PDXDC1: variants seen among roughly 807,000 people sequenced by gnomAD.
PDXDC1 encodes pyridoxal-dependent decarboxylase domain-containing protein 1.
Under a neutral mutation model 100.1 loss-of-function variants are expected in PDXDC1, and 42 were observed. The observed-to-expected ratio is 0.42, with a 90% CI of 0.33 to 0.54. The LOEUF (loss-of-function observed/expected upper bound fraction) is 0.54. PDXDC1 is among the 20% of genes least tolerant of loss of function. The pLI, the probability that PDXDC1 is intolerant of heterozygous loss-of-function variation, is 0.10. For missense variants in PDXDC1, 636 were observed against 979.2 expected, an observed-to-expected ratio of 0.65 and a Z score of 4.68; for synonymous variants, 260 against 371.7, an observed-to-expected ratio of 0.70 and a Z score of 3.46.
intron 16 of PDXDC1, chr16:15,071,270 T>A (rs777264387): frequency 1.3e-6 from 2 of 1,584,470 alleles, no homozygotes; most frequent in South Asian, 2.3e-5. Flanking sequence ...AGAGAGGGCG[T>A]CGGTGTGATC....
intron 16 of PDXDC1, chr16:15,059,997 T>TAAA: frequency 1.2e-5 from 2 of 162,674 alleles, no homozygotes; most frequent in East Asian, 1.8e-4. Context: ...TACATTAAAT[T>TAAA]AAAAAAAAAA....
chr16:15,023,027 C>G (rs1402342750), intron 13 of PDXDC1, among the ~76,000 whole-genome samples: 1 of 152,290 alleles, frequency 6.6e-6, no homozygotes, highest in East Asian at 1.9e-4. Context: ...TGTTAAAGTT[C>G]AGAATTGCAC....
At chr16:15,006,072 T>A (rs1265502373) in intron 5 of PDXDC1, among the ~76,000 whole-genome samples, 1 of 152,298 alleles carries the variant, frequency 6.6e-6, no homozygotes, top group Non-Finnish European at 1.5e-5. Flanking sequence ...TGTTATCCAG[T>A]GCTGGCCTTA....
At chr16:15,020,584 G>A (rs1348187844) in intron 12 of PDXDC1, among the ~76,000 whole-genome samples, 1 of 152,262 alleles carries the variant, frequency 6.6e-6, no homozygotes, top group African/African-American at 2.4e-5. Context: ...AGCTACTTGG[G>A]AGGCTGAGGC....
At chr16:15,021,057 A>T (rs2042166099) in intron 12 of PDXDC1, among the ~76,000 whole-genome samples, 1 of 152,134 alleles carries the variant, frequency 6.6e-6, no homozygotes, top group African/African-American at 2.4e-5. Flanking sequence ...TTCGTTCATC[A>T]TATGTTAGGA....
chr16:15,050,583 T>G (rs972843355), intron 16 of PDXDC1, among the ~76,000 whole-genome samples: 4 of 151,960 alleles, frequency 2.6e-5, no homozygotes, highest in African/African-American at 9.7e-5. Flanking sequence ...ATTACAAAAA[T>G]TAGCTGGGTG....
chr16:15,065,377 G>T, intron 16 of PDXDC1: 2 of 1,610,188 alleles, frequency 1.2e-6, no homozygotes, highest in South Asian at 1.1e-5. Context: ...ACTTACTGTG[G>T]AACAAAAAAA....
intron 16 of PDXDC1, chr16:15,127,994 G>A (rs778917620): frequency 2.1e-4 from 328 of 1,590,950 alleles, no homozygotes; most frequent in Non-Finnish European, 2.5e-4. Flanking sequence ...GGCCTTACTC[G>A]CGGCCAGCAC....
intron 16 of PDXDC1, among the ~76,000 whole-genome samples, chr16:15,102,100 C>A (rs1598072243): frequency 6.6e-6 from 1 of 152,152 alleles, no homozygotes; most frequent in African/African-American, 2.4e-5. Context: ...CCTGCCTCGG[C>A]CTCTCAAAGT....
chr16:15,133,981 G>A (rs986354425), intron 16 of PDXDC1: 33 of 1,330,226 alleles, frequency 2.5e-5, no homozygotes, highest in Middle Eastern at 2.5e-4. Flanking sequence ...AGCACGCCCC[G>A]CCGCAGCACC....
rs781186287 is a variant in PDXDC1 at position 15,131,124 on chromosome 16, G to A, written c.1400-7755G>A. The A allele has an allele frequency of 5.6e-6, 9 of 1,603,836 alleles. No homozygotes were observed. In the Admixed American group the frequency reaches 6.7e-5, roughly 12 times the overall value. On this transcript the variant is annotated intron_variant, in intron 16 of 16. Transcript: ENST00000535621. ...TATAGTTGAGCTGCAGATGCAGCAC[G>A]GCCGCAGGGTTGCTGCTGTCCAGGG...
chr16:15,005,941 G>A (rs1305246012), intron 5 of PDXDC1, among the ~76,000 whole-genome samples: 1 of 152,286 alleles, frequency 6.6e-6, no homozygotes, highest in East Asian at 1.9e-4. Flanking sequence ...ACCCGCCTTG[G>A]CCTCCCAAAG....
downstream of PDXDC1, among the ~76,000 whole-genome samples, chr16:15,143,984 G>A (rs1427343214): frequency 1.3e-5 from 2 of 152,176 alleles, no homozygotes; most frequent in African/African-American, 4.8e-5. Context: ...TGGGGGGACC[G>A]GCTCGGAGGG....
chr16:15,066,344 C>G (rs1472614114), intron 16 of PDXDC1, among the ~76,000 whole-genome samples: 1 of 152,110 alleles, frequency 6.6e-6, no homozygotes, highest in Non-Finnish European at 1.5e-5. Flanking sequence ...AAAACACTAA[C>G]ACAGCCGGCT....
intron 16 of PDXDC1, chr16:15,044,444 A>C (rs199979034): frequency 1.3e-4 from 178 of 1,369,628 alleles, no homozygotes; most frequent in Admixed American, 7.4e-4. Flanking sequence ...GGCCAGAAGA[A>C]GACACCGGTG....
chr16:15,147,746 T>C, the PDXDC1 span, among the ~76,000 whole-genome samples: 2 of 152,138 alleles, frequency 1.3e-5, no homozygotes, highest in African/African-American at 4.8e-5. Context: ...TAGAGTGCAG[T>C]GGTGTGATAT....
chr16:15,144,591 TAGCCGGGGAGCCCCAGGCTC>T, the PDXDC1 span, among the ~76,000 whole-genome samples: 1 of 152,166 alleles, frequency 6.6e-6, no homozygotes, highest in Non-Finnish European at 1.5e-5. Flanking sequence ...GGTGTGAGAC[TAGCCGGGGAGCCCCAGGCTC>T]AGCGGCATTC....
intron 16 of PDXDC1, chr16:15,044,394 G>C: frequency 6.2e-7 from 1 of 1,612,830 alleles, no homozygotes; most frequent in Non-Finnish European, 8.5e-7. Flanking sequence ...CCTCCAACAA[G>C]GTGTACTTCC....
intron 16 of PDXDC1, chr16:15,133,169 G>C: frequency 1.1e-6 from 1 of 919,802 alleles, no homozygotes; most frequent in South Asian, 1.4e-5. Context: ...CTGGGGCCCG[G>C]GATAAGCCCT....
Sources: allele counts gnomAD v4.1 joint callset (sites outside exome capture counted in the v4.1 genomes callset), GRCh38; gene constraint gnomAD v4.1.1; transcripts MANE v1.5; gene names NCBI Gene and HGNC (gene_info 2026-07-23, HGNC 2026-07-21).